The following LOXL1 variants were observed in gnomAD, a reference collection of about 807,000 sequenced individuals.
LOXL1 encodes lysyl oxidase like 1.
LOXL1 carries 31 observed loss-of-function variants against 62.2 expected under a neutral mutation model. The ratio of observed to expected loss-of-function variants is 0.50; its 90% confidence interval spans 0.37 to 0.67. The LOEUF is 0.67. Ranked by LOEUF, LOXL1 falls within the 30% of genes least tolerant of loss-of-function variation. The probability of loss-of-function intolerance (pLI) is 0.00; values close to 1 mark genes in which losing one functional copy is unlikely to be tolerated. For synonymous variants in LOXL1, 403 were observed against 384.4 expected, an observed-to-expected ratio of 1.05 and a Z score of -0.56; for missense variants, 775 against 843.4, an observed-to-expected ratio of 0.92 and a Z score of 1.00.
In LOXL1 at chr15:73,926,964, T is replaced by G; in HGVS notation, c.181T>G (p.Tyr61Asp). ...CAGCTTGCTCAACTCGGGCTCAGAG[T>G]ACGTGCCGGCCGGACCTCAGCGCTC... The part of the protein sequence containing the change: ...VYSLLNSGSE[Y>D]VPAGPQRSES... The change falls in exon 1 of 7, where the codon TAC (tyrosine) becomes GAC (aspartate). Residue 61 changes from tyrosine to aspartate, a missense_variant. Physicochemically the swap from Tyr to Asp is radical, Grantham distance 160 (BLOSUM62 -3). Transcript: ENST00000261921. The G allele has an allele frequency of 6.5e-7, 1 of 1,540,166 alleles. No homozygotes were observed. Among genetic ancestry groups the G allele is most frequent in the South Asian group, 1.2e-5 (1 of 82,734 alleles).
intron 2 of LOXL1, among the ~76,000 whole-genome samples, chr15:73,943,851 C>T (rs942265696): frequency 6.6e-6 from 1 of 152,170 alleles, no homozygotes; most frequent in African/African-American, 2.4e-5. Context: ...AGAATCTCAA[C>T]ATTTTCTCAT....
chr15:73,932,872 G>A (rs2068644884), intron 1 of LOXL1, among the ~76,000 whole-genome samples: 1 of 152,158 alleles, frequency 6.6e-6, no homozygotes, highest in Non-Finnish European at 1.5e-5. Context: ...TTAGAAAGCT[G>A]TGTCGGATCA....
At chr15:73,943,969 C>T (rs2068731787) in intron 2 of LOXL1, among the ~76,000 whole-genome samples, 1 of 152,206 alleles carries the variant, frequency 6.6e-6, no homozygotes, top group Non-Finnish European at 1.5e-5. Context: ...CTCACTCCTT[C>T]ATTGAGAAAG....
At chr15:73,950,348 G>A (rs1163410680) in intron 6 of LOXL1, among the ~76,000 whole-genome samples, 2 of 151,868 alleles carry the variant, frequency 1.3e-5, no homozygotes, top group Middle Eastern at 3.2e-3. Flanking sequence ...CATCAACTGG[G>A]AGAAAGGTGG....
chr15:73,941,269 T>TTGTA (rs1232692414), intron 1 of LOXL1, among the ~76,000 whole-genome samples: 1 of 152,160 alleles, frequency 6.6e-6, no homozygotes, highest in Admixed American at 6.5e-5. Flanking sequence ...TCACCCACCC[T>TTGTA]TGTACTCCAA....
At chr15:73,931,258 T>A (rs1017333117) in intron 1 of LOXL1, among the ~76,000 whole-genome samples, 2 of 147,042 alleles carry the variant, frequency 1.4e-5, no homozygotes, top group Non-Finnish European at 3.0e-5. Flanking sequence ...TTGCCTGACG[T>A]GTGTCCTCTA....
chr15:73,926,964 T>C lies in LOXL1; in HGVS notation c.181T>C (p.Tyr61His). The C allele has an allele frequency of 6.5e-7, 1 of 1,540,166 alleles. No homozygotes were observed. The highest frequency in any genetic ancestry group is 8.7e-7 in the Non-Finnish European group (1 of 1,143,374). Residue 61 changes from tyrosine to histidine, a missense_variant, in exon 1 of 7, where the codon TAC becomes CAC. Tyr to His is a moderately conservative substitution (Grantham distance 83, BLOSUM62 2). Transcript: ENST00000261921. The stretch of plus-strand genomic sequence containing the variant: ...CAGCTTGCTCAACTCGGGCTCAGAG[T>C]ACGTGCCGGCCGGACCTCAGCGCTC... ...VYSLLNSGSE[Y>H]VPAGPQRSES...
rs28710821 is a variant in LOXL1, at chr15:73,928,434, G to A, written c.1102+549G>A. The stretch of plus-strand genomic sequence containing the variant: ...TGAGTGCGCAGGAGGTTAGAGGGGA[G>A]CGTGTGCTCCAGGCAGGAGTCCGGA... On this transcript the variant is annotated intron_variant, in intron 1 of 6. Coordinates refer to ENST00000261921, the MANE Select transcript of LOXL1 (RefSeq NM_005576.4). Among the ~76,000 whole-genome samples the A allele has an allele frequency of 2.5e-3, 387 of 152,274 alleles. 1 individual carries two copies. The highest frequency in any genetic ancestry group is 8.8e-3 in the African/African-American group (366 of 41,548).
chr15:73,933,553 T>C (rs529323776), intron 1 of LOXL1, among the ~76,000 whole-genome samples: 1 of 152,330 alleles, frequency 6.6e-6, no homozygotes, highest in East Asian at 1.9e-4. Flanking sequence ...GCCTGGGAGC[T>C]CTGGCTTTTT....
In LOXL1 at chr15:73,945,040, C is replaced by T. The variant is rs183979750; in HGVS notation, c.1212-1377C>T. Among the ~76,000 whole-genome samples, 30 of 152,306 alleles carry T rather than the reference C, an allele frequency of 2.0e-4. No individual in the cohort carries two copies. Among genetic ancestry groups the T allele is most frequent in the Middle Eastern group, 3.4e-3 (1 of 294 alleles). ...AGCCGTCAGCTAAAGAGGGGAGGGG[C>T]CTTCAGCCACCCCTTCCTGTTCCTA... is the stretch of plus-strand genomic sequence containing the variant. On this transcript the variant is annotated intron_variant, in intron 2 of 6. Coordinates refer to ENST00000261921, the MANE Select transcript of LOXL1 (RefSeq NM_005576.4). The surrounding 1 kb of genome is among the most constrained non-coding windows in gnomAD (Gnocchi z 4.3).
At chr15:73,946,981 C>T in intron 3 of LOXL1, 86 bp from the exon 4 acceptor site, 1 of 1,396,956 alleles carries the variant, frequency 7.2e-7, no homozygotes, top group Non-Finnish European at 9.6e-7. Flanking sequence ...AGCAGGGTCA[C>T]CTGAGCCCAT....
At chr15:73,937,978 T>C (rs1455630155) in intron 1 of LOXL1, among the ~76,000 whole-genome samples, 1 of 152,090 alleles carries the variant, frequency 6.6e-6, no homozygotes, top group Non-Finnish European at 1.5e-5. Context: ...GAGTTAGAGG[T>C]GACCTGGAGG....
chr15:73,944,401 C>T (rs980394523), intron 2 of LOXL1, among the ~76,000 whole-genome samples: 8 of 152,212 alleles, frequency 5.3e-5, no homozygotes, highest in Non-Finnish European at 1.0e-4. Flanking sequence ...CTGGAGAGAA[C>T]AGCCCTCACC....
Position 73,927,090 on chromosome 15 carries a change from C to A in LOXL1, c.307C>A (p.Pro103Thr). 1.5e-6 allele frequency: 2 copies of A among 1,301,880 alleles called. No homozygotes were observed. The highest frequency in any genetic ancestry group is 2.0e-6 in the Non-Finnish European group (2 of 1,020,676). 80.6% of individuals were successfully genotyped at this position (1,301,880 alleles called of 1,614,324 possible). ...RRRQAPSLPL[P>T]GRVGSDTVRG... is the part of the protein sequence containing the mutation. The stretch of plus-strand genomic sequence containing the variant: ...TCGGCAGGCGCCGTCCCTGCCCCTG[C>A]CGGGGCGCGTGGGCTCGGACACCGT... The change falls in exon 1 of 7, where the codon CCG becomes ACG. Residue 103 changes from proline to threonine, a missense_variant. By Grantham distance (38) the Pro-to-Thr change is conservative. Coordinates refer to ENST00000261921, the MANE Select transcript of LOXL1 (RefSeq NM_005576.4).
intron 4 of LOXL1, 152 bp downstream of exon 4, chr15:73,947,375 C>A: frequency 1.3e-6 from 1 of 759,720 alleles, no homozygotes. Flanking sequence ...CAGGCTGCCA[C>A]ACTGCCCTGC....
chr15:73,932,276 CTGT>C (rs1182316712), intron 1 of LOXL1, among the ~76,000 whole-genome samples: 2 of 152,166 alleles, frequency 1.3e-5, no homozygotes, highest in African/African-American at 4.8e-5. Flanking sequence ...TAGCCAGGTA[CTGT>C]TATTTGTCCC....
intron 6 of LOXL1, among the ~76,000 whole-genome samples, chr15:73,950,626 T>C (rs1039635939): frequency 1.3e-5 from 2 of 152,046 alleles, no homozygotes; most frequent in Non-Finnish European, 2.9e-5. Flanking sequence ...GGGTCAGGGC[T>C]CAGTCTGTGA....
At chr15:73,929,043 T>C (rs1357872493) in intron 1 of LOXL1, among the ~76,000 whole-genome samples, 1 of 152,162 alleles carries the variant, frequency 6.6e-6, no homozygotes, top group Non-Finnish European at 1.5e-5. Flanking sequence ...AAAGGCAGCT[T>C]CCACACATGC....
intron 2 of LOXL1, 116 bp from the exon 3 acceptor site, chr15:73,946,301 G>A (rs1043499738): frequency 1.4e-6 from 1 of 694,980 alleles, no homozygotes; most frequent in Admixed American, 2.3e-5. Flanking sequence ...TCAGGGACAA[G>A]GAGTGGGGCT....
Sources: gnomAD v4.1 joint callset for allele counts (sites outside exome capture counted in the v4.1 genomes callset) on GRCh38, gnomAD v4.1.1 for gene constraint, Gnocchi (gnomAD v3.1) non-coding constraint, MANE v1.5 for transcripts, NCBI Gene and HGNC (gene_info 2026-07-23, HGNC 2026-07-21) for gene names.